The following ATP8B1 variants were observed in gnomAD, a reference collection of about 807,000 sequenced individuals.
ATP8B1 encodes the protein phospholipid-transporting ATPase IC.
A neutral mutation model predicts 149.9 loss-of-function variants in ATP8B1; 80 were observed. The observed-to-expected ratio is 0.53, with a 90% CI of 0.45 to 0.64. The LOEUF is 0.64. ATP8B1 is among the 30% of genes least tolerant of loss of function. The pLI, the probability that ATP8B1 is intolerant of heterozygous loss-of-function variation, is 0.00. For missense variants in ATP8B1, 1,247 were observed against 1,552.6 expected (o/e 0.80, Z 3.31); for synonymous variants, 536 against 562.8 (o/e 0.95, Z 0.67).
intron 2 of ATP8B1, chr18:57,731,402 T>A: frequency 8.3e-6 from 4 of 479,270 alleles, no homozygotes; most frequent in South Asian, 2.1e-5. Context: ...CCTTAATGTA[T>A]TTTCTCTGCA....
chr18:57,712,042 T>A (rs1033053992), intron 2 of ATP8B1, among the ~76,000 whole-genome samples: 1 of 137,024 alleles, frequency 7.3e-6, no homozygotes, highest in African/African-American at 2.7e-5. Context: ...TCCTTCCCTC[T>A]ATTGGCATAT....
chr18:57,753,953 GAAAGAAAAGAA>G (rs2080050831), intron 1 of ATP8B1, among the ~76,000 whole-genome samples: 1 of 44,648 alleles, frequency 2.2e-5, no homozygotes, highest in South Asian at 8.6e-4. Context: ...AAAAAAGAAA[GAAAGAAAAGAA>G]AAAAAAAAAG....
chr18:57,777,715 T>G (rs940803245), intron 1 of ATP8B1, among the ~76,000 whole-genome samples: 3 of 152,172 alleles, frequency 2.0e-5, no homozygotes, highest in African/African-American at 7.2e-5. Context: ...ATTACAGGCA[T>G]GTGCCACCAT....
chr18:57,671,077 A>T (rs1187392139), intron 17 of ATP8B1, among the ~76,000 whole-genome samples: 4 of 152,192 alleles, frequency 2.6e-5, no homozygotes. Context: ...TCATCCTGTC[A>T]CATATGAATG....
At chr18:57,780,936 C>T (rs2080350844) in intron 1 of ATP8B1, among the ~76,000 whole-genome samples, 1 of 152,158 alleles carries the variant, frequency 6.6e-6, no homozygotes, top group African/African-American at 2.4e-5. Context: ...CTACAGAAGA[C>T]AATTTCCTTG....
rs76943552 is a variant in ATP8B1 at position 57,677,888 on chromosome 18, G to T, written c.1631-2866C>A. Among the ~76,000 whole-genome samples the T allele has an allele frequency of 6.6e-3, 1,008 of 152,136 alleles. 8 individuals carry two copies. The highest frequency in any genetic ancestry group is 0.022 in the African/African-American group (898 of 41,498). On this transcript the variant is annotated intron_variant, in intron 15 of 27. Coordinates refer to ENST00000648908, the MANE Select transcript of ATP8B1 (RefSeq NM_001374385.1). Reference sequence around the variant, plus strand: ...AAAAGGAACAAAATAATAAAAAGTGGTAAAGTTCCCACAAGTAAGACACTC... The same window carrying T: ...AAAAGGAACAAAATAATAAAAAGTGTTAAAGTTCCCACAAGTAAGACACTC...
At chr18:57,688,533 G>A (rs377745536) in intron 12 of ATP8B1, 26 bp from the exon 13 acceptor site, 19 of 1,610,734 alleles carry the variant, frequency 1.2e-5, no homozygotes, top group African/African-American at 4.0e-5. Flanking sequence ...ATTATTTTCC[G>A]TAGAGAGCTC....
chr18:57,676,717 C>CAAA (rs58101846), intron 15 of ATP8B1, among the ~76,000 whole-genome samples: 1,229 of 91,802 alleles, frequency 0.013, 28 homozygotes, highest in African/African-American at 0.044. Flanking sequence ...GACTCCATTT[C>CAAA]AAAAAAAAAA....
At chr18:57,752,945 C>T (rs550714677) in intron 1 of ATP8B1, among the ~76,000 whole-genome samples, 11 of 152,134 alleles carry the variant, frequency 7.2e-5, no homozygotes, top group Non-Finnish European at 1.3e-4. Flanking sequence ...TGTAGAGGAA[C>T]CAGAACCAGA....
chr18:57,776,018 C>G (rs183892535), intron 1 of ATP8B1, among the ~76,000 whole-genome samples: 1 of 152,066 alleles, frequency 6.6e-6, no homozygotes, highest in Admixed American at 6.6e-5. Context: ...GTAATGATGC[C>G]AGGATAAGGA....
chr18:57,685,107 G>T lies in ATP8B1; in HGVS notation c.1438C>A (p.Arg480=), dbSNP rs142231389. 1 of 1,614,038 alleles carries T rather than the reference G, an allele frequency of 6.2e-7. No individual in the cohort carries two copies. The highest frequency in any genetic ancestry group is 8.5e-7 in the Non-Finnish European group (1 of 1,180,016). ...TTGTGGTTGTGTTGAGAGGCATCCCGATGGTCCCCTGAGAAACAAACAGGA... is the reference window on the plus strand; with the variant it reads ...TTGTGGTTGTGTTGAGAGGCATCCCTATGGTCCCCTGAGAAACAAACAGGA... ...CINGQIYGDH[R]DASQHNHNKI... Residue 480 remains arginine (R), a synonymous_variant, in exon 14 of 28, where the codon CGG becomes AGG. Transcript: ENST00000648908.
rs1056933968 is a variant in ATP8B1, at chr18:57,715,203, T to C, written c.182-8616A>G. Among the ~76,000 whole-genome samples, 7 of 151,812 alleles carry C rather than the reference T, an allele frequency of 4.6e-5. 2 individuals are homozygous for C. On this transcript the variant is annotated intron_variant, in intron 2 of 27. Coordinates refer to ENST00000648908, the MANE Select transcript of ATP8B1 (RefSeq NM_001374385.1). ...AAAGAGTCAAGCTGAAATTCCGGAG[T>C]TGAAAAATGCAACCGACATACTGAA...
chr18:57,659,521 A>G (rs780169936), intron 22 of ATP8B1, among the ~76,000 whole-genome samples: 1 of 152,120 alleles, frequency 6.6e-6, no homozygotes, highest in Non-Finnish European at 1.5e-5. Flanking sequence ...ATCATGTTTG[A>G]CTTGTCCTTT....
chr18:57,700,051 G>A (rs894249144), intron 6 of ATP8B1, among the ~76,000 whole-genome samples: 3 of 152,120 alleles, frequency 2.0e-5, no homozygotes, highest in African/African-American at 4.8e-5. Flanking sequence ...CTGGAACATC[G>A]GATAGAAGAA....
chr18:57,689,561 A>G (rs1912426493), intron 12 of ATP8B1, among the ~76,000 whole-genome samples: 1 of 152,190 alleles, frequency 6.6e-6, no homozygotes, highest in Non-Finnish European at 1.5e-5. Flanking sequence ...TTCCGTAAGT[A>G]TTTCCTAAGT....
At chr18:57,649,312 A>T (rs1909446700) in intron 27 of ATP8B1, among the ~76,000 whole-genome samples, 1 of 151,974 alleles carries the variant, frequency 6.6e-6, no homozygotes, top group Admixed American at 6.6e-5. Context: ...CTACCTACCT[A>T]CCTGGAGATA....
At chr18:57,702,912 A>T (rs894866452) in intron 4 of ATP8B1, among the ~76,000 whole-genome samples, 2 of 152,126 alleles carry the variant, frequency 1.3e-5, no homozygotes, top group African/African-American at 4.8e-5. Flanking sequence ...TAGAAGACAA[A>T]AAGATCCTTC....
intron 17 of ATP8B1, among the ~76,000 whole-genome samples, chr18:57,671,074 G>A (rs1216476662): frequency 6.6e-6 from 1 of 152,180 alleles, no homozygotes. Context: ...CTGTCATCCT[G>A]TCACATATGA....
At chr18:57,672,975 A>C in intron 16 of ATP8B1, among the ~76,000 whole-genome samples, 1 of 83,880 alleles carries the variant, frequency 1.2e-5, no homozygotes, top group African/African-American at 4.6e-5. Context: ...CTACATATAT[A>C]CACACATATA....
Sources: gnomAD v4.1 joint callset for allele counts (sites outside exome capture counted in the v4.1 genomes callset) on GRCh38, gnomAD v4.1.1 for gene constraint, MANE v1.5 for transcripts, NCBI Gene and HGNC (gene_info 2026-07-23, HGNC 2026-07-21) for gene names.